Variants in TPM3 observed in about 807,000 individuals in gnomAD.
TPM3 encodes tropomyosin 3, also known as tropomyosin alpha-3 chain.
Under a neutral mutation model 43.1 loss-of-function variants are expected in TPM3, and 16 were observed. The observed-to-expected ratio is 0.37, with a 90% confidence interval of 0.25 to 0.56. TPM3 has a LOEUF of 0.56. Among genes scored for constraint, TPM3 ranks in the 20% least tolerant of loss-of-function variants. TPM3 has a pLI of 0.77. For missense variants in TPM3, 176 were observed against 337.2 expected, an observed-to-expected ratio of 0.52 and a Z score of 3.74; for synonymous variants, 101 against 116.9, an observed-to-expected ratio of 0.86 and a Z score of 0.88.
At position 154,188,203 on chromosome 1, in the gene TPM3, A is replaced by G. The variant is rs138145844; in HGVS notation, c.243+2983T>C. 9.2e-4 allele frequency among the ~76,000 whole-genome samples: 140 copies of G among 151,602 alleles called. 3 individuals carry two copies. The East Asian group carries it at 0.024, about 26-fold the overall frequency. ...CTGGAGTACGCGGGACTACCGGCAC[A>G]TGCCACCACACCTGGCTAATTTTTA... On this transcript the variant is annotated intron_variant, in intron 2 of 9. Coordinates refer to ENST00000651641, the MANE Select transcript of TPM3 (RefSeq NM_152263.4).
Position 154,164,998 on chromosome 1 carries a change from A to C in TPM3, c.*2939T>G, listed in dbSNP as rs923882351. Among the ~76,000 whole-genome samples, 1 of 152,250 alleles carries C rather than the reference A, an allele frequency of 6.6e-6. No homozygotes were observed. The highest frequency in any genetic ancestry group is 1.5e-5 in the Non-Finnish European group (1 of 68,020). On this transcript the variant is annotated 3_prime_UTR_variant, in exon 10 of 10. Transcript: ENST00000651641. ...CTCCTCAGCCTCATTTTAAGACACA[A>C]CCTGTTCCCTACTCTGTCTAAATCT...
chr1:154,156,993 G>GA (rs1242264377), downstream of TPM3: 2 of 198,214 alleles, frequency 1.0e-5, no homozygotes, highest in Non-Finnish European at 1.0e-5. Flanking sequence ...AACTTCTAAT[G>GA]AAAAAAATAA....
downstream of TPM3, chr1:154,157,153 C>T (rs1431542051): frequency 3.8e-6 from 1 of 262,808 alleles, no homozygotes; most frequent in Non-Finnish European, 7.4e-6. Flanking sequence ...TTTCCCACAG[C>T]GGAGTCTCCC....
Position 154,170,482 on chromosome 1 carries a change from T to C in TPM3, c.706-13A>G, listed in dbSNP as rs1048411103. The C allele has an allele frequency of 1.9e-6, 3 of 1,614,044 alleles. No individual in the cohort carries two copies. The highest frequency in any genetic ancestry group is 1.7e-5 in the Admixed American group (1 of 60,006). On this transcript the variant is annotated splice_polypyrimidine_tract_variant and intron_variant, in intron 7 of 9. Coordinates refer to ENST00000651641, the MANE Select transcript of TPM3 (RefSeq NM_152263.4). ...CACGGGTCTCTGCCTGGGGGAAATA[T>C]GAAATTAGTCAGAACCAGAGATGAA...
rs68185418 is a variant in TPM3, at chr1:154,165,789, CAA to C, written c.*2146_*2147del. Among the ~76,000 whole-genome samples the C allele has an allele frequency of 4.4e-4, 36 of 82,222 alleles. No individual in the cohort carries two copies. Among genetic ancestry groups the C allele is most frequent in the Admixed American group, 9.1e-4 (7 of 7,714 alleles). The allele number at this position is 82,222 out of a possible 152,430, so 53.9% of individuals were successfully genotyped here. On this transcript the variant is annotated 3_prime_UTR_variant, in exon 10 of 10. Coordinates refer to ENST00000651641, the MANE Select transcript of TPM3 (RefSeq NM_152263.4). ...AGGTGACAAGAGTCAAACTCCGTCTCAAAAAAAAAAAAAAAAAGAAAAAAAGA... is the reference window on the plus strand; with the variant it reads ...AGGTGACAAGAGTCAAACTCCGTCTCAAAAAAAAAAAAAAAGAAAAAAAGA...
chr1:154,161,131 T>TAAAAAAAA (rs953940037), downstream of TPM3, among the ~76,000 whole-genome samples: 13 of 85,066 alleles, frequency 1.5e-4, no homozygotes, highest in East Asian at 3.2e-4. Flanking sequence ...ATGCAAATAT[T>TAAAAAAAA]AAAAAAAAAA....
At chr1:154,180,764 T>A (rs900024000) in intron 2 of TPM3, among the ~76,000 whole-genome samples, 3 of 151,040 alleles carry the variant, frequency 2.0e-5, no homozygotes, top group Admixed American at 6.6e-5. Flanking sequence ...AAAAATAAAA[T>A]AATAAAAAAA....
rs1369726296 is a variant in TPM3 at position 154,164,239 on chromosome 1, G to GC, written c.*3697dup. On this transcript the variant is annotated 3_prime_UTR_variant, in exon 10 of 10. Coordinates refer to ENST00000651641, the MANE Select transcript of TPM3 (RefSeq NM_152263.4). ...TGCAGCAGTGTGATCACAGCTTGCT[G>GC]CAGCCTCAGACTCCTGGGCTCAAAG... 1.3e-5 allele frequency among the ~76,000 whole-genome samples: 2 copies of GC among 152,124 alleles called. No homozygotes were observed. The highest frequency in any genetic ancestry group is 4.8e-5 in the African/African-American group (2 of 41,474).
intron 3 of TPM3, among the ~76,000 whole-genome samples, chr1:154,174,364 A>ATATG (rs1553249300): frequency 2.4e-4 from 13 of 55,288 alleles, no homozygotes; most frequent in African/African-American, 7.9e-4. Context: ...ATTTAAATAT[A>ATATG]TGTGTATATA....
chr1:154,191,575 G>T, intron 1 of TPM3: 2 of 1,341,830 alleles, frequency 1.5e-6, no homozygotes, highest in East Asian at 2.7e-5. Context: ...AAGTGTAGAT[G>T]CCCGTGATGC....
downstream of TPM3, among the ~76,000 whole-genome samples, chr1:154,160,632 T>G (rs1210284697): frequency 6.6e-6 from 1 of 152,128 alleles, no homozygotes; most frequent in African/African-American, 2.4e-5. Flanking sequence ...GAGGTTTTGA[T>G]ATCACAGTGA....
chr1:154,174,638 G>T (rs929212996), intron 3 of TPM3, among the ~76,000 whole-genome samples: 35 of 149,880 alleles, frequency 2.3e-4, no homozygotes, highest in African/African-American at 5.9e-4. Context: ...GGGATTACAG[G>T]CGCGCCCCAC....
In TPM3 at chr1:154,164,672, AG is replaced by A. The variant is rs1660756404; in HGVS notation, c.*3264del. Among the ~76,000 whole-genome samples, 1 of 152,234 alleles carries A rather than the reference AG, an allele frequency of 6.6e-6. No homozygotes were observed. On this transcript the variant is annotated 3_prime_UTR_variant, in exon 10 of 10. Transcript: ENST00000651641. ...CTGCTATAGTTACTTTAATGTGATT[AG>A]GAAAAAACACTAACACATCAAAACT...
At chr1:154,155,888 T>C (rs1659753744), downstream of TPM3, 1 of 207,894 alleles carries the variant, frequency 4.8e-6, no homozygotes, top group Non-Finnish European at 9.8e-6. Flanking sequence ...TGACAATACT[T>C]ATCTCCATTT....
downstream of TPM3, chr1:154,155,781 T>A (rs2148177155): frequency 4.4e-6 from 1 of 224,982 alleles, no homozygotes; most frequent in South Asian, 1.8e-4. Flanking sequence ...TTGATATGGT[T>A]GTGAAGGAAA....
At chr1:154,159,274 A>G (rs1314601037), downstream of TPM3, among the ~76,000 whole-genome samples, 2 of 152,200 alleles carry the variant, frequency 1.3e-5, no homozygotes, top group African/African-American at 2.4e-5. Flanking sequence ...GGAAATTCAG[A>G]CTGACAAGTT....
downstream of TPM3, among the ~76,000 whole-genome samples, chr1:154,160,781 G>T (rs542480713): frequency 6.6e-6 from 1 of 152,162 alleles, no homozygotes; most frequent in African/African-American, 2.4e-5. Context: ...ACCCAAATCT[G>T]AAAGTCCAAA....
chr1:154,183,312 C>T (rs781219031), intron 2 of TPM3: 29 of 1,480,270 alleles, frequency 2.0e-5, no homozygotes, highest in African/African-American at 2.8e-5. Context: ...GAGGGAGAGC[C>T]GCGGCAGGGA....
At chr1:154,155,626 T>C (rs1659723381), downstream of TPM3, 1 of 233,994 alleles carries the variant, frequency 4.3e-6, no homozygotes, top group African/African-American at 2.2e-5. Context: ...CAAATACTCT[T>C]GAGAGCACTT....
Sources: allele counts gnomAD v4.1 joint callset (sites outside exome capture counted in the v4.1 genomes callset), GRCh38; gene constraint gnomAD v4.1.1; transcripts MANE v1.5; gene names NCBI Gene and HGNC (gene_info 2026-07-23, HGNC 2026-07-21).